Variants in SPINK5 observed in about 807,000 individuals in gnomAD.
SPINK5 encodes the protein serine peptidase inhibitor Kazal type 5.
In SPINK5, 125 loss-of-function variants were observed where a neutral mutation model predicts 151.8. That is an observed-to-expected ratio of 0.82 (90% confidence interval 0.71 to 0.96). The LOEUF (loss-of-function observed/expected upper bound fraction) is 0.96. Among genes scored for constraint, SPINK5 ranks in the 40% least tolerant of loss-of-function variants. The probability of loss-of-function intolerance (pLI) is 0.00; values close to 1 mark genes in which losing one functional copy is unlikely to be tolerated. For synonymous variants in SPINK5, 374 were observed against 395.3 expected (o/e 0.95, Z 0.64); for missense variants, 1,194 against 1,291.9 (o/e 0.92, Z 1.16).
intron 26 of SPINK5, 82 bp downstream of exon 26, chr5:148,120,473 G>A: frequency 6.7e-7 from 1 of 1,487,314 alleles, no homozygotes; most frequent in Non-Finnish European, 9.2e-7. Context: ...TTTGTGAAAT[G>A]CTGACTCTGT....
rs1170636282 is a variant in SPINK5 at position 148,096,724 on chromosome 5, TTTTTTC to T, written c.882+836_882+841del. Among the ~76,000 whole-genome samples the T allele has an allele frequency of 5.2e-3, 781 of 149,590 alleles. 8 individuals carry two copies. Among genetic ancestry groups the T allele is most frequent in the African/African-American group, 0.019 (740 of 39,870 alleles). On this transcript the variant is annotated intron_variant, in intron 10 of 32. Transcript: ENST00000256084. Reference sequence around the variant, plus strand: ...AACTCCATTTTCTTTCTTTCTTTCTTTTTTTCTTTTTCTTTTTCTTTTCTTTTCTTT... The same window carrying T: ...AACTCCATTTTCTTTCTTTCTTTCTTTTTTTCTTTTTCTTTTCTTTTCTTT...
intron 4 of SPINK5, among the ~76,000 whole-genome samples, chr5:148,083,312 C>T (rs1051145970): frequency 6.6e-6 from 1 of 151,166 alleles, no homozygotes; most frequent in African/African-American, 2.4e-5. Context: ...TTGATATTTG[C>T]ATGCCTTTTC....
intron 3 of SPINK5, among the ~76,000 whole-genome samples, chr5:148,071,868 C>T (rs1268788827): frequency 6.6e-6 from 1 of 151,972 alleles, no homozygotes; most frequent in Non-Finnish European, 1.5e-5. Context: ...GTGCAGATAG[C>T]TTTGAGAGTT....
At chr5:148,122,001 AGTGTGTGTGTGT>A (rs35297940) in intron 26 of SPINK5, among the ~76,000 whole-genome samples, 5 of 148,410 alleles carry the variant, frequency 3.4e-5, no homozygotes, top group Non-Finnish European at 6.0e-5. Context: ...ATTGTGTGTG[AGTGTGTGTGTGT>A]GTGTGTGTGT....
intron 15 of SPINK5, 46 bp downstream of exon 15, chr5:148,101,954 G>A: frequency 6.2e-7 from 1 of 1,611,918 alleles, no homozygotes; most frequent in Non-Finnish European, 8.5e-7. Context: ...TGAGCAGTGG[G>A]AATTTCCATG....
At chr5:148,095,930 G>T (rs1231884833) in intron 10 of SPINK5, 25 bp downstream of exon 10, 5 of 1,566,296 alleles carry the variant, frequency 3.2e-6, no homozygotes, top group African/African-American at 1.4e-5. Context: ...GATCAATCTA[G>T]TTACAACTTG....
chr5:148,109,337 A>C (rs1753861491), intron 18 of SPINK5, among the ~76,000 whole-genome samples: 1 of 152,120 alleles, frequency 6.6e-6, no homozygotes, highest in South Asian at 2.1e-4. Context: ...TTGCTACTGT[A>C]TGCATCATGG....
intron 5 of SPINK5, among the ~76,000 whole-genome samples, chr5:148,087,774 T>C (rs866298643): frequency 2.6e-5 from 4 of 151,864 alleles, no homozygotes; most frequent in East Asian, 1.9e-4. Context: ...CTTTGTACTA[T>C]GCGATGAGAA....
At chr5:148,106,949 T>C in intron 16 of SPINK5, 88 bp from the exon 17 acceptor site, 1 of 1,566,342 alleles carries the variant, frequency 6.4e-7, no homozygotes. Context: ...TTTTTACTTT[T>C]TACTCTACGT....
At chr5:148,082,632 A>G (rs1289657310) in intron 4 of SPINK5, among the ~76,000 whole-genome samples, 1 of 8,934 alleles carries the variant, frequency 1.1e-4, no homozygotes, top group Non-Finnish European at 1.4e-4. Context: ...TTTTTTTGAG[A>G]CGGAGTCTCG....
chr5:148,081,044 A>C (rs566621783), intron 4 of SPINK5, among the ~76,000 whole-genome samples: 24 of 151,788 alleles, frequency 1.6e-4, no homozygotes, highest in Admixed American at 1.2e-3. Context: ...TTATTTAGGC[A>C]AATGCTAATT....
intron 5 of SPINK5, among the ~76,000 whole-genome samples, chr5:148,086,888 TAATAA>T (rs1753171791): frequency 6.7e-6 from 1 of 149,474 alleles, no homozygotes; most frequent in Non-Finnish European, 1.5e-5. Flanking sequence ...TTTAATATTT[TAATAA>T]AATATAGACT....
intron 21 of SPINK5, 82 bp downstream of exon 21, chr5:148,114,571 T>C (rs1754036977): frequency 6.3e-7 from 1 of 1,588,478 alleles, no homozygotes; most frequent in African/African-American, 1.3e-5. Context: ...GTATTGTGTT[T>C]GTCCTTTCCT....
In SPINK5 at chr5:148,112,879, C is replaced by T. The variant is rs756226553; in HGVS notation, c.1832C>T (p.Ala611Val). 23 of 1,613,400 alleles carry T rather than the reference C, an allele frequency of 1.4e-5. No homozygotes were observed. In the African/African-American group the frequency reaches 2.5e-4, roughly 18 times the overall value. Residue 611 changes from alanine (A) to valine (V), a missense_variant, in exon 20 of 33, where the codon GCA (alanine) becomes GTA (valine). Transcript: ENST00000256084. ...CCCTTTTCTTATAGCCAGCAAGAAGCAAAAGAAAAAGAAAGAGCTGAACCC... is the reference window on the plus strand; with the variant it reads ...CCCTTTTCTTATAGCCAGCAAGAAGTAAAAGAAAAAGAAAGAGCTGAACCC... ...SMCEAFFQQE[A>V]KEKERAEPRA...
intron 29 of SPINK5, among the ~76,000 whole-genome samples, chr5:148,126,495 G>A (rs1754434110): frequency 6.6e-6 from 1 of 152,172 alleles, no homozygotes; most frequent in African/African-American, 2.4e-5. Context: ...AGTGATGAAA[G>A]TTCTAAACCA....
rs945584851 is a variant in SPINK5 at position 148,137,080 on chromosome 5, C to T, written c.*89C>T. ...CCATCTGTATATACAAAGAATTCTT[C>T]GGAGCTTGTCTTATTTGCTATAGAA... is the stretch of plus-strand genomic sequence containing the variant. On this transcript the variant is annotated 3_prime_UTR_variant, in exon 33 of 33. Transcript: ENST00000256084. 80 of 1,528,164 alleles carry T rather than the reference C, an allele frequency of 5.2e-5. No individual in the cohort carries two copies. The African/African-American group carries it at 6.9e-4, about 13-fold the overall frequency. 94.7% of individuals were successfully genotyped at this position (1,528,164 alleles called of 1,614,324 possible).
At chr5:148,135,153 AG>A (rs1451378274) in intron 32 of SPINK5, among the ~76,000 whole-genome samples, 1 of 152,166 alleles carries the variant, frequency 6.6e-6, no homozygotes, top group African/African-American at 2.4e-5. Flanking sequence ...ATCCATAAAA[AG>A]GGAGTTTAAA....
chr5:148,124,981 A>C, intron 28 of SPINK5, 144 bp downstream of exon 28: 1 of 1,237,870 alleles, frequency 8.1e-7, no homozygotes, highest in Non-Finnish European at 1.0e-6. Context: ...ACTTTGTATC[A>C]TAACAAGATT....
At chr5:148,078,668 C>T (rs951823257) in intron 4 of SPINK5, among the ~76,000 whole-genome samples, 3 of 150,424 alleles carry the variant, frequency 2.0e-5, no homozygotes, top group Non-Finnish European at 4.5e-5. Context: ...AATTAGGCAA[C>T]ACACTTCTGG....
Sources: gnomAD v4.1 joint callset for allele counts (sites outside exome capture counted in the v4.1 genomes callset) on GRCh38, gnomAD v4.1.1 for gene constraint, MANE v1.5 for transcripts, NCBI Gene and HGNC (gene_info 2026-07-23, HGNC 2026-07-21) for gene names.